SUCO: variants seen among roughly 807,000 people sequenced by gnomAD.
SUCO encodes SUN domain-containing ossification factor.
SUCO carries 57 observed loss-of-function variants against 148.1 expected under a neutral mutation model. The observed-to-expected ratio is 0.38, with a 90% confidence interval of 0.31 to 0.48. The LOEUF (loss-of-function observed/expected upper bound fraction) is 0.48, where lower values mean the gene tolerates loss of function less well. SUCO is among the 20% of genes least tolerant of loss of function. SUCO has a pLI of 0.96. For synonymous variants in SUCO, 470 were observed against 502.7 expected (o/e 0.93, Z 0.87); for missense variants, 1,331 against 1,468.2 (o/e 0.91, Z 1.53).
At chr1:172,602,871 G>T in intron 22 of SUCO, 84 bp downstream of exon 22, 1 of 1,200,688 alleles carries the variant, frequency 8.3e-7, no homozygotes, top group South Asian at 1.3e-5. Flanking sequence ...TTGTGTTCAT[G>T]ACCATCTGCA....
Position 172,600,065 on chromosome 1 carries a change from A to G in SUCO, c.2915A>G (p.Asp972Gly). 4 of 1,596,528 alleles carry G rather than the reference A, an allele frequency of 2.5e-6. No individual in the cohort carries two copies. The highest frequency in any genetic ancestry group is 3.4e-6 in the Non-Finnish European group (4 of 1,174,062). Residue 972 changes from aspartate (D) to glycine (G), a missense_variant and splice_region_variant, in exon 20 of 24, where the codon GAT becomes GGT. Physicochemically the swap from Asp to Gly is moderately conservative, Grantham distance 94 (BLOSUM62 -1). Transcript: ENST00000263688. ...AAAAAATAAATTCCTTTATCATAGG[A>G]TCAGCGGCAAACTGAAGCCATCCAG... ...QNTSRIAEEQ[D>G]QRQTEAIQLL...
chr1:172,580,235 A>G (rs1373816615), intron 15 of SUCO, among the ~76,000 whole-genome samples: 1 of 151,860 alleles, frequency 6.6e-6, no homozygotes, highest in African/African-American at 2.4e-5. Flanking sequence ...TCCATAGAAG[A>G]GTATAGACCT....
chr1:172,581,775 G>T (rs943374559), intron 15 of SUCO, among the ~76,000 whole-genome samples: 7 of 152,176 alleles, frequency 4.6e-5, no homozygotes, highest in African/African-American at 1.7e-4. Context: ...AATCTTAATA[G>T]AAACTCCTTT....
At chr1:172,551,130 G>A (rs1016691746) in intron 1 of SUCO, among the ~76,000 whole-genome samples, 1 of 152,064 alleles carries the variant, frequency 6.6e-6, no homozygotes, top group African/African-American at 2.4e-5. Flanking sequence ...CTTTTAAACA[G>A]TTGAGGTAAC....
At chr1:172,580,181 T>C (rs1252352701) in intron 15 of SUCO, among the ~76,000 whole-genome samples, 1 of 152,172 alleles carries the variant, frequency 6.6e-6, no homozygotes, top group African/African-American at 2.4e-5. Flanking sequence ...TCCTTTCTTT[T>C]CTTTCTCTTC....
intron 19 of SUCO, among the ~76,000 whole-genome samples, chr1:172,596,539 G>A (rs1657111140): frequency 6.6e-6 from 1 of 152,218 alleles, no homozygotes; most frequent in Non-Finnish European, 1.5e-5. Flanking sequence ...GCTGGAGTTT[G>A]CTGGAGGTCC....
chr1:172,585,102 A>T lies in SUCO; in HGVS notation c.1567+16A>T, dbSNP rs747110092. Reference sequence around the variant, plus strand: ...CTGACAGAAGGTACCTAATCATTTTATGGGTCTTTTAAATAGCTGGTACTC... The same window carrying T: ...CTGACAGAAGGTACCTAATCATTTTTTGGGTCTTTTAAATAGCTGGTACTC... On this transcript the variant is annotated intron_variant, in intron 16 of 23. Transcript: ENST00000263688. 2 of 1,578,916 alleles carry T rather than the reference A, an allele frequency of 1.3e-6. No individual in the cohort carries two copies. The highest frequency in any genetic ancestry group is 3.4e-4 in the Middle Eastern group (2 of 5,940).
At chr1:172,582,351 T>C (rs531259304) in intron 15 of SUCO, among the ~76,000 whole-genome samples, 1 of 152,298 alleles carries the variant, frequency 6.6e-6, no homozygotes, top group African/African-American at 2.4e-5. Flanking sequence ...TGTTGTATTA[T>C]ATAAACTCTT....
intron 1 of SUCO, among the ~76,000 whole-genome samples, chr1:172,546,645 A>C (rs570070711): frequency 2.6e-5 from 4 of 152,332 alleles, no homozygotes; most frequent in Non-Finnish European, 4.4e-5. Flanking sequence ...ACAGTGGCTC[A>C]CACCTGTAAT....
At chr1:172,557,226 T>C (rs1367103851) in intron 4 of SUCO, 54 bp from the exon 5 acceptor site, 2 of 1,582,690 alleles carry the variant, frequency 1.3e-6, no homozygotes, top group Non-Finnish European at 1.7e-6. Context: ...TTTTAATGTA[T>C]ATTACCTCAA....
chr1:172,554,503 G>A lies in SUCO; in HGVS notation c.288+1133G>A, dbSNP rs372519659. On this transcript the variant is annotated intron_variant, in intron 3 of 23. Transcript: ENST00000263688. ...TTAATTAAAAAATAGCATGTAGGCCGGGCACAGTGGATCACCTGAGGTCAG... is the reference window on the plus strand; with the variant it reads ...TTAATTAAAAAATAGCATGTAGGCCAGGCACAGTGGATCACCTGAGGTCAG... Among the ~76,000 whole-genome samples the A allele has an allele frequency of 2.2e-4, 33 of 152,118 alleles. No individual in the cohort carries two copies. The East Asian group carries it at 3.9e-3, about 18-fold the overall frequency.
chr1:172,564,658 G>A (rs973551464), intron 6 of SUCO, among the ~76,000 whole-genome samples: 5 of 150,902 alleles, frequency 3.3e-5, no homozygotes, highest in African/African-American at 1.2e-4. Flanking sequence ...TTACAGCAAT[G>A]TGAGAATGGA....
At chr1:172,588,130 T>A (rs1656367502) in intron 17 of SUCO, 1 of 985,334 alleles carries the variant, frequency 1.0e-6, no homozygotes, top group South Asian at 4.7e-5. Flanking sequence ...AAGGGAGATA[T>A]GTTTCTTGTC....
chr1:172,577,442 T>G, intron 11 of SUCO, 97 bp from the exon 12 acceptor site: 2 of 1,187,428 alleles, frequency 1.7e-6, no homozygotes, highest in Non-Finnish European at 2.4e-6. Context: ...CTCTCTATAC[T>G]TTATACAACA....
chr1:172,577,528 T>G lies in SUCO; in HGVS notation c.1264-11T>G, dbSNP rs778417738. 2.5e-6 allele frequency: 4 copies of G among 1,609,540 alleles called. No homozygotes were observed. In the African/African-American group the frequency reaches 5.3e-5, roughly 22 times the overall value. On this transcript the variant is annotated splice_polypyrimidine_tract_variant and intron_variant, in intron 11 of 23. Coordinates refer to ENST00000263688, the MANE Select transcript of SUCO (RefSeq NM_014283.5). The stretch of plus-strand genomic sequence containing the variant: ...ACTGATTTCTTTTTCTTTTCCTTTC[T>G]CTTGCTTCAGATGTTCATCAAGTAC...
intron 15 of SUCO, among the ~76,000 whole-genome samples, chr1:172,583,846 TC>T (rs1355893148): frequency 1.3e-5 from 2 of 152,182 alleles, no homozygotes; most frequent in African/African-American, 4.8e-5. Context: ...GGTCTTCTAT[TC>T]CCAGTACCAT....
chr1:172,548,056 A>G (rs751364689), intron 1 of SUCO, among the ~76,000 whole-genome samples: 6 of 152,012 alleles, frequency 3.9e-5, no homozygotes, highest in Admixed American at 6.5e-5. Context: ...ATTTGAAATT[A>G]TTTCCAAATA....
intron 1 of SUCO, chr1:172,542,953 G>A: frequency 1.0e-6 from 1 of 985,336 alleles, no homozygotes; most frequent in Non-Finnish European, 1.2e-6. Flanking sequence ...GCTTTTGGGA[G>A]TGGAGAATAA....
chr1:172,600,300 A>G (rs1657417016), intron 20 of SUCO, 132 bp downstream of exon 20: 1 of 655,654 alleles, frequency 1.5e-6, no homozygotes, highest in Non-Finnish European at 2.6e-6. Context: ...AACTTTTTCA[A>G]AAACCAGAAT....
Sources: gnomAD v4.1 joint callset for allele counts (sites outside exome capture counted in the v4.1 genomes callset) on GRCh38, gnomAD v4.1.1 for gene constraint, MANE v1.5 for transcripts, NCBI Gene and HGNC (gene_info 2026-07-23, HGNC 2026-07-21) for gene names.